DHX8: variants seen among roughly 807,000 people sequenced by gnomAD.
DHX8 encodes the protein DEAH-box helicase 8.
In DHX8, 67 loss-of-function variants were observed where a neutral mutation model predicts 140.7. The ratio of observed to expected loss-of-function variants is 0.48; its 90% confidence interval spans 0.39 to 0.58. DHX8 has a LOEUF of 0.58. DHX8 is among the 20% of genes least tolerant of loss of function. DHX8 has a pLI of 0.00. For missense variants in DHX8, 887 were observed against 1,550.7 expected (o/e 0.57, Z 7.19); for synonymous variants, 533 against 553.2 (o/e 0.96, Z 0.51).
At position 43,533,391 on chromosome 17, in the gene DHX8, G is replaced by A. The variant is rs555335291; in HGVS notation, c.351-3021G>A. On this transcript the variant is annotated intron_variant, in intron 2 of 3. Transcript: ENST00000589898. ...ACAGGGGTGAGGGGGCAGAGAAGCT[G>A]GAAAGCATCTTTGAACCCTTCATTC... 7.6e-6 allele frequency: 12 copies of A among 1,570,692 alleles called. No individual in the cohort carries two copies. The African/African-American group carries it at 1.1e-4, about 14-fold the overall frequency.
chr17:43,516,874 C>T (rs185662431), intron 17 of DHX8, among the ~76,000 whole-genome samples: 21 of 152,272 alleles, frequency 1.4e-4, no homozygotes, highest in African/African-American at 4.6e-4. Flanking sequence ...TTTATGCTTT[C>T]TCTTTTATAT....
intron 22 of DHX8, among the ~76,000 whole-genome samples, chr17:43,522,478 G>A (rs980529497): frequency 1.3e-5 from 2 of 152,114 alleles, no homozygotes; most frequent in African/African-American, 2.4e-5. Flanking sequence ...GCCAGGCACA[G>A]TGGCTCATGC....
At chr17:43,517,139 T>C (rs767155161) in intron 17 of DHX8, 28 bp from the exon 18 acceptor site, 4 of 1,599,886 alleles carry the variant, frequency 2.5e-6, no homozygotes, top group Admixed American at 1.8e-5. Context: ...TTAACAGATA[T>C]GTTGCTTTTA....
Position 43,539,789 on chromosome 17 carries a change from CAG to C in DHX8, c.*20+3292_*20+3293del, listed in dbSNP as rs750245188. Among the ~76,000 whole-genome samples, 23 of 152,316 alleles carry C rather than the reference CAG, an allele frequency of 1.5e-4. 1 individual carries two copies. Among genetic ancestry groups the C allele is most frequent in the South Asian group, 4.1e-4 (2 of 4,830 alleles). On this transcript the variant is annotated intron_variant, in intron 3 of 3. Transcript: ENST00000589898. The stretch of plus-strand genomic sequence containing the variant: ...GTCCTCTCCAGGAAAGCACATCTCA[CAG>C]GGGATATTTTAGGTTGTGATATGTT...
intron 18 of DHX8, chr17:43,517,617 A>G (rs539622456): frequency 4.5e-5 from 14 of 312,096 alleles, no homozygotes; most frequent in Admixed American, 9.6e-5. Flanking sequence ...AATATAATCA[A>G]TGCCAAACTG....
At chr17:43,503,175 C>A (rs1969295427) in intron 11 of DHX8, among the ~76,000 whole-genome samples, 1 of 151,946 alleles carries the variant, frequency 6.6e-6, no homozygotes, top group South Asian at 2.1e-4. Flanking sequence ...CCAAGCTGGG[C>A]AATGTGGTGA....
Position 43,525,167 on chromosome 17 carries a change from G to T in DHX8, c.*1320G>T. 1 of 985,450 alleles carries T rather than the reference G, an allele frequency of 1.0e-6. No individual in the cohort carries two copies. The highest frequency in any genetic ancestry group is 5.2e-4 in the Middle Eastern group (1 of 1,914). 61.0% of individuals were successfully genotyped at this position (985,450 alleles called of 1,614,324 possible). On this transcript the variant is annotated 3_prime_UTR_variant, in exon 23 of 23. Transcript: ENST00000262415. ...CAGGTTTCGGAACTTACGGAAAGCT[G>T]GTCTGGATGTAGTGCTTGTAGAGAA...
chr17:43,528,307 T>G, downstream of DHX8: 6 of 474,866 alleles, frequency 1.3e-5, no homozygotes, highest in Non-Finnish European at 1.1e-5. Flanking sequence ...CCCAGGGGAG[T>G]TTCTGAGACT....
At chr17:43,533,900 C>T (rs773648385) in intron 2 of DHX8, 27 of 1,596,036 alleles carry the variant, frequency 1.7e-5, no homozygotes, top group Middle Eastern at 1.7e-4. Flanking sequence ...AGGGGAGTGG[C>T]GGCTTCCTGC....
At chr17:43,533,047 G>T (rs1017026410) in intron 2 of DHX8, 2 of 1,495,394 alleles carry the variant, frequency 1.3e-6, no homozygotes, top group African/African-American at 1.4e-5. Context: ...GGGGGTAGGG[G>T]GTTGGGGTGT....
intron 12 of DHX8, 104 bp from the exon 13 acceptor site, chr17:43,506,899 C>T: frequency 2.4e-6 from 2 of 817,692 alleles, no homozygotes; most frequent in East Asian, 2.9e-5. Flanking sequence ...TTATTTTATT[C>T]CAGAGTAATG....
At chr17:43,520,365 A>G (rs1970317525) in intron 19 of DHX8, 98 bp downstream of exon 19, 11 of 1,417,588 alleles carry the variant, frequency 7.8e-6, no homozygotes, top group Non-Finnish European at 1.1e-5. Context: ...GGCCGTGGAT[A>G]AGCTTTGAGT....
chr17:43,512,774 G>A (rs1372115885), intron 16 of DHX8, among the ~76,000 whole-genome samples: 1 of 152,136 alleles, frequency 6.6e-6, no homozygotes, highest in African/African-American at 2.4e-5. Context: ...GAAGAACAGT[G>A]ACAGTGCCAA....
At chr17:43,528,207 ACT>A, downstream of DHX8, 1 of 305,600 alleles carries the variant, frequency 3.3e-6, no homozygotes, top group Non-Finnish European at 6.0e-6. Flanking sequence ...AACAGAACAA[ACT>A]CTTGTTCTCT....
intron 11 of DHX8, among the ~76,000 whole-genome samples, chr17:43,503,477 A>G (rs1485313660): frequency 6.6e-5 from 10 of 151,796 alleles, no homozygotes; most frequent in Non-Finnish European, 8.8e-5. Context: ...AGCCTGGACA[A>G]CAATTGCGAA....
chr17:43,503,181 G>A (rs139525213), intron 11 of DHX8, among the ~76,000 whole-genome samples: 2 of 152,070 alleles, frequency 1.3e-5, no homozygotes, highest in East Asian at 1.9e-4. Flanking sequence ...TGGGCAATGT[G>A]GTGAAACCCT....
chr17:43,525,538 G>A lies in DHX8; in HGVS notation c.*1691G>A. ...TAATCAAGGGGCAGGGCATTGTTGT[G>A]TGTTAACCTTGAAGGCCTTCTGGGG... On this transcript the variant is annotated 3_prime_UTR_variant, in exon 23 of 23. Transcript: ENST00000262415. The A allele has an allele frequency of 1.0e-6, 1 of 985,480 alleles. No homozygotes were observed. Among genetic ancestry groups the A allele is most frequent in the Non-Finnish European group, 1.2e-6 (1 of 829,988 alleles). 61.0% of individuals were successfully genotyped at this position (985,480 alleles called of 1,614,324 possible). A position where few individuals can be genotyped will look rare whatever the true frequency, so the allele number is the denominator to read the frequency against.
chr17:43,503,593 A>G (rs1969330495), intron 11 of DHX8, among the ~76,000 whole-genome samples: 3 of 151,812 alleles, frequency 2.0e-5, no homozygotes, highest in Admixed American at 2.0e-4. Context: ...TGAGCCCAGG[A>G]GGTGGAGGTT....
intron 13 of DHX8, 27 bp from the exon 14 acceptor site, chr17:43,507,476 A>G (rs1393026320): frequency 1.9e-6 from 3 of 1,596,816 alleles, no homozygotes; most frequent in Admixed American, 3.4e-5. Flanking sequence ...TTTGTATCCT[A>G]GGTTTTCCCC....
Sources: gnomAD v4.1 joint callset for allele counts (sites outside exome capture counted in the v4.1 genomes callset) on GRCh38, gnomAD v4.1.1 for gene constraint, MANE v1.5 for transcripts, NCBI Gene and HGNC (gene_info 2026-07-23, HGNC 2026-07-21) for gene names.